The following ERC2 variants were observed in gnomAD, a reference collection of about 807,000 sequenced individuals.
The protein encoded by ERC2 is ELKS/RAB6-interacting/CAST family member 2.
In ERC2, 42 loss-of-function variants were observed where a neutral mutation model predicts 114.8. The observed-to-expected ratio is 0.37, with a 90% CI of 0.29 to 0.47. The LOEUF is 0.47. ERC2 is among the 20% of genes least tolerant of loss of function. The pLI is 0.99. For synonymous variants in ERC2, 454 were observed against 425.5 expected, an observed-to-expected ratio of 1.07 and a Z score of -0.82; for missense variants, 939 against 1,150.7, an observed-to-expected ratio of 0.82 and a Z score of 2.66.
intron 17 of ERC2, among the ~76,000 whole-genome samples, chr3:55,520,986 G>A (rs1465978968): frequency 6.6e-6 from 1 of 152,092 alleles, no homozygotes; most frequent in Non-Finnish European, 1.5e-5. Flanking sequence ...AAACATGAAG[G>A]AACAATTTGA....
intron 17 of ERC2, among the ~76,000 whole-genome samples, chr3:55,551,187 TAC>T (rs1215609536): frequency 6.6e-6 from 1 of 151,804 alleles, no homozygotes; most frequent in African/African-American, 2.4e-5. Flanking sequence ...CACACATACA[TAC>T]ACACACATAT....
At position 55,733,493 on chromosome 3, in the gene ERC2, G is replaced by GTC. The variant is rs139777776; in HGVS notation, c.2712+1276_2712+1277dup. Among the ~76,000 whole-genome samples, 36 of 72,588 alleles carry GTC rather than the reference G, an allele frequency of 5.0e-4. 3 individuals are homozygous for GTC. Among genetic ancestry groups the GTC allele is most frequent in the Non-Finnish European group, 8.9e-4 (30 of 33,780 alleles). 47.6% of individuals were successfully genotyped at this position (72,588 alleles called of 152,430 possible). A position where few individuals can be genotyped will look rare whatever the true frequency, so the allele number is the denominator to read the frequency against. On this transcript the variant is annotated intron_variant, in intron 15 of 17. Coordinates refer to ENST00000288221, the MANE Select transcript of ERC2 (RefSeq NM_015576.3). ...ACACACACACACACACACATTCTCT[G>GTC]TCTCTCTCTCTCTCTCATTCTCTCT... is the stretch of plus-strand genomic sequence containing the variant.
intron 17 of ERC2, among the ~76,000 whole-genome samples, chr3:55,547,681 T>G (rs542050828): frequency 5.3e-5 from 8 of 152,284 alleles, no homozygotes; most frequent in Admixed American, 3.9e-4. Flanking sequence ...TAGTGCAGTT[T>G]CTATTAGGGA....
intron 2 of ERC2, among the ~76,000 whole-genome samples, chr3:56,313,005 T>TATAA (rs2056673412): frequency 2.9e-5 from 3 of 102,766 alleles, no homozygotes; most frequent in African/African-American, 1.1e-4. Flanking sequence ...TATATTCATA[T>TATAA]ATATATATAT....
intron 3 of ERC2, among the ~76,000 whole-genome samples, chr3:56,277,830 G>T (rs1311891134): frequency 6.6e-6 from 1 of 151,990 alleles, no homozygotes; most frequent in African/African-American, 2.4e-5. Flanking sequence ...AGAGAATAAG[G>T]GTTGGGATTG....
intron 17 of ERC2, among the ~76,000 whole-genome samples, chr3:55,643,344 G>A (rs766272481): frequency 1.3e-5 from 2 of 152,128 alleles, no homozygotes; most frequent in Non-Finnish European, 2.9e-5. Context: ...TAATCATTAT[G>A]AGCATCAATC....
chr3:55,618,509 C>T (rs1382253011), intron 17 of ERC2, among the ~76,000 whole-genome samples: 1 of 152,032 alleles, frequency 6.6e-6, no homozygotes, highest in Non-Finnish European at 1.5e-5. Flanking sequence ...TTCCATACTC[C>T]GTTACTATAA....
intron 12 of ERC2, among the ~76,000 whole-genome samples, chr3:55,984,048 A>T (rs1425724224): frequency 6.6e-6 from 1 of 152,200 alleles, no homozygotes; most frequent in African/African-American, 2.4e-5. Context: ...ATAACCAGAG[A>T]TGATTATTCA....
At chr3:55,873,258 TCTC>T (rs2062668619) in intron 14 of ERC2, among the ~76,000 whole-genome samples, 1 of 152,194 alleles carries the variant, frequency 6.6e-6, no homozygotes, top group East Asian at 1.9e-4. Flanking sequence ...CCAAATGTAT[TCTC>T]CTCACAAAAG....
chr3:56,138,188 T>C (rs570786247), intron 6 of ERC2, among the ~76,000 whole-genome samples: 6 of 151,016 alleles, frequency 4.0e-5, no homozygotes, highest in Non-Finnish European at 8.8e-5. Context: ...GCCTCCCGAG[T>C]AGCTGGGACT....
chr3:55,827,265 A>C (rs1373910040), intron 14 of ERC2, among the ~76,000 whole-genome samples: 1 of 151,834 alleles, frequency 6.6e-6, no homozygotes, highest in Non-Finnish European at 1.5e-5. Flanking sequence ...AACAGAGAGA[A>C]AGAAAGAAAG....
chr3:55,755,707 C>T (rs932273577), intron 14 of ERC2, among the ~76,000 whole-genome samples: 3 of 152,116 alleles, frequency 2.0e-5, no homozygotes, highest in Non-Finnish European at 4.4e-5. Context: ...GCCTGCCAAA[C>T]AAAAACTCCC....
chr3:56,130,204 G>A (rs1054551967), intron 6 of ERC2, among the ~76,000 whole-genome samples: 8 of 152,076 alleles, frequency 5.3e-5, no homozygotes, highest in African/African-American at 1.9e-4. Flanking sequence ...ATTCCTTCTT[G>A]GCCTTCCTCT....
intron 12 of ERC2, among the ~76,000 whole-genome samples, chr3:55,957,560 A>C (rs1020277040): frequency 3.3e-5 from 5 of 152,202 alleles, no homozygotes; most frequent in Non-Finnish European, 7.3e-5. Flanking sequence ...GGCCACAAGC[A>C]AAGTGGGTTC....
At position 55,508,590 on chromosome 3, in the gene ERC2, C is replaced by T. The variant is rs565005486; in HGVS notation, c.*2726G>A. On this transcript the variant is annotated 3_prime_UTR_variant, in exon 18 of 18. Coordinates refer to ENST00000288221, the MANE Select transcript of ERC2 (RefSeq NM_015576.3). ...AAATATTACAAGAAGCACTATCAAA[C>T]GAGGGTCTCGGGGAATTAGATACAC... The T allele has an allele frequency of 4.9e-4, 75 of 152,548 alleles. No individual in the cohort carries two copies. The highest frequency in any genetic ancestry group is 1.8e-3 in the African/African-American group (75 of 41,490). The allele number at this position is 152,548 out of a possible 1,614,324, so 9.4% of individuals were successfully genotyped here.
In ERC2 at chr3:56,462,105, C is replaced by T. The variant is rs183466623; in HGVS notation, c.-141+6143G>A. Among the ~76,000 whole-genome samples the T allele has an allele frequency of 2.0e-5, 3 of 152,246 alleles. No homozygotes were observed. In the East Asian group the frequency reaches 5.8e-4, roughly 29 times the overall value. The stretch of plus-strand genomic sequence containing the variant: ...AGTGGAGCCAGACCCAGACCAAAGT[C>T]ATTTAATACAAGGTCGTCAAGGGCT... On this transcript the variant is annotated intron_variant, in intron 1 of 17. Coordinates refer to ENST00000288221, the MANE Select transcript of ERC2 (RefSeq NM_015576.3).
At chr3:55,932,022 G>T (rs940002048) in intron 13 of ERC2, among the ~76,000 whole-genome samples, 1 of 152,136 alleles carries the variant, frequency 6.6e-6, no homozygotes, top group South Asian at 2.1e-4. Flanking sequence ...AATTTGTTCT[G>T]TAAATAGAGA....
chr3:56,215,173 C>G (rs1292596584), intron 3 of ERC2, among the ~76,000 whole-genome samples: 1 of 152,102 alleles, frequency 6.6e-6, no homozygotes, highest in Non-Finnish European at 1.5e-5. Flanking sequence ...TGGCTAAATG[C>G]TCCAATTAAA....
chr3:55,810,087 T>C (rs1559692119), intron 14 of ERC2, among the ~76,000 whole-genome samples: 1 of 152,210 alleles, frequency 6.6e-6, no homozygotes, highest in Non-Finnish European at 1.5e-5. Context: ...AGGCAACTAC[T>C]GTACATTTTA....
Sources: allele counts gnomAD v4.1 joint callset (sites outside exome capture counted in the v4.1 genomes callset), GRCh38; gene constraint gnomAD v4.1.1; transcripts MANE v1.5; gene names NCBI Gene and HGNC (gene_info 2026-07-23, HGNC 2026-07-21).